MTREX: variants seen among roughly 807,000 people sequenced by gnomAD.
MTREX encodes the protein Mtr4 exosome RNA helicase.
MTREX carries 76 observed loss-of-function variants against 135.4 expected under a neutral mutation model. The observed-to-expected ratio is 0.56, with a 90% CI of 0.47 to 0.68. The LOEUF is 0.68. Ranked by LOEUF, MTREX falls within the 30% of genes least tolerant of loss-of-function variation. The pLI, the probability that MTREX is intolerant of heterozygous loss-of-function variation, is 0.00. For missense variants in MTREX, 920 were observed against 1,262.1 expected (o/e 0.73, Z 4.11); for synonymous variants, 404 against 401.6 (o/e 1.01, Z -0.07).
chr5:55,360,486 G>C (rs956166842), intron 15 of MTREX, among the ~76,000 whole-genome samples: 1 of 151,938 alleles, frequency 6.6e-6, no homozygotes, highest in Non-Finnish European at 1.5e-5. Context: ...GAATTGCAGG[G>C]TCATAGAGTA....
At chr5:55,420,417 C>A (rs943689541) in intron 25 of MTREX, among the ~76,000 whole-genome samples, 3 of 152,122 alleles carry the variant, frequency 2.0e-5, no homozygotes, top group Non-Finnish European at 2.9e-5. Flanking sequence ...TCCCAAGTGT[C>A]CATCGATAGA....
intron 18 of MTREX, among the ~76,000 whole-genome samples, chr5:55,381,078 T>C (rs541776197): frequency 6.2e-4 from 95 of 152,298 alleles, no homozygotes; most frequent in African/African-American, 2.2e-3. Flanking sequence ...TTCGTAGTAT[T>C]ATTTTATAAT....
Position 55,424,820 on chromosome 5 carries a change from AT to A in MTREX, c.*50del. 7.3e-7 allele frequency: 1 copy of A among 1,364,410 alleles called. No homozygotes were observed. The highest frequency in any genetic ancestry group is 1.0e-6 in the Non-Finnish European group (1 of 953,944). 84.5% of individuals were successfully genotyped at this position (1,364,410 alleles called of 1,614,324 possible). ...TTTTAAATTATTGACCACCTGTTTG[AT>A]TACAGTTGACTACAAATGCCTGCAA... On this transcript the variant is annotated 3_prime_UTR_variant, in exon 27 of 27. Coordinates refer to ENST00000230640, the MANE Select transcript of MTREX (RefSeq NM_015360.5).
At chr5:55,327,660 A>T in intron 3 of MTREX, 56 bp from the exon 4 acceptor site, 1 of 1,297,708 alleles carries the variant, frequency 7.7e-7, no homozygotes, top group Non-Finnish European at 1.1e-6. Context: ...AATGCTAAAT[A>T]CATCAGTTCT....
chr5:55,331,492 C>G (rs113140879), intron 5 of MTREX, among the ~76,000 whole-genome samples: 13 of 152,296 alleles, frequency 8.5e-5, no homozygotes, highest in African/African-American at 3.1e-4. Context: ...TCCACTGTAG[C>G]TGGTGGGAAA....
At chr5:55,337,920 G>C (rs2112052004) in intron 5 of MTREX, among the ~76,000 whole-genome samples, 1 of 151,872 alleles carries the variant, frequency 6.6e-6, no homozygotes, top group Middle Eastern at 3.4e-3. Context: ...TTATTTTGGG[G>C]CTTACAGTAT....
chr5:55,320,591 T>C (rs1013689438), intron 1 of MTREX, among the ~76,000 whole-genome samples: 2 of 152,148 alleles, frequency 1.3e-5, no homozygotes, highest in African/African-American at 4.8e-5. Context: ...GTGGAACACA[T>C]CCACGCAGCC....
chr5:55,402,840 G>GTGTGTA (rs753387750), intron 21 of MTREX, among the ~76,000 whole-genome samples: 2 of 66,006 alleles, frequency 3.0e-5, no homozygotes, highest in South Asian at 7.3e-4. Flanking sequence ...GTGTGTGTGT[G>GTGTGTA]TATGTGTATG....
At chr5:55,333,808 A>G (rs1036760771) in intron 5 of MTREX, among the ~76,000 whole-genome samples, 2 of 152,228 alleles carry the variant, frequency 1.3e-5, no homozygotes, top group South Asian at 2.1e-4. Context: ...TGTTTGTTAT[A>G]ATGTTAGAAT....
intron 23 of MTREX, among the ~76,000 whole-genome samples, chr5:55,413,167 C>T (rs765076413): frequency 2.6e-5 from 4 of 151,740 alleles, no homozygotes; most frequent in Non-Finnish European, 4.4e-5. Flanking sequence ...GGTGAAACCC[C>T]GTCTCTACTA....
chr5:55,397,336 T>C, intron 19 of MTREX, 80 bp from the exon 20 acceptor site: 1 of 830,114 alleles, frequency 1.2e-6, no homozygotes, highest in Non-Finnish European at 1.9e-6. Flanking sequence ...ACTTCCTCTT[T>C]AGGGATCCAA....
At chr5:55,388,612 G>A (rs1467292447) in intron 19 of MTREX, among the ~76,000 whole-genome samples, 1 of 152,162 alleles carries the variant, frequency 6.6e-6, no homozygotes, top group African/African-American at 2.4e-5. Flanking sequence ...GCCAGTGTAA[G>A]TGTTCTTAGC....
chr5:55,362,824 C>T (rs762097693), intron 15 of MTREX, among the ~76,000 whole-genome samples: 10 of 152,034 alleles, frequency 6.6e-5, no homozygotes, highest in Admixed American at 6.5e-5. Context: ...TATTTGTTAG[C>T]GGTTAGGTAT....
Position 55,416,024 on chromosome 5 carries a change from G to A in MTREX, c.2863G>A (p.Glu955Lys), listed in dbSNP as rs1451735095. Residue 955 changes from glutamate (E) to lysine (K), a missense_variant, in exon 25 of 27, where the codon GAG becomes AAG. Glu to Lys is a moderately conservative substitution (Grantham distance 56). Around this residue, in one of 6 missense-constraint regions of MTREX, gnomAD observed 467 missense variants for 589.7 expected, o/e 0.79. Transcript: ENST00000230640. Reference sequence around the variant, plus strand: ...AGCAGAAGCCAAATTGGAAATTGATGAGGAAACTTATCTAAGCTCATTTAA... The same window carrying A: ...AGCAGAAGCCAAATTGGAAATTGATAAGGAAACTTATCTAAGCTCATTTAA... ...VSAEAKLEIDEETYLSSFKPH... is the reference protein window; with the variant it reads ...VSAEAKLEIDKETYLSSFKPH... The A allele has an allele frequency of 1.9e-6, 3 of 1,601,046 alleles. No homozygotes were observed. The highest frequency in any genetic ancestry group is 1.4e-5 in the African/African-American group (1 of 73,938).
intron 16 of MTREX, among the ~76,000 whole-genome samples, chr5:55,371,714 C>T (rs1040467306): frequency 1.3e-5 from 2 of 152,040 alleles, no homozygotes; most frequent in Admixed American, 6.6e-5. Context: ...TAATTTGTTA[C>T]ATGTATATTA....
intron 21 of MTREX, among the ~76,000 whole-genome samples, chr5:55,403,602 T>C (rs899818603): frequency 6.6e-6 from 1 of 152,240 alleles, no homozygotes. Flanking sequence ...ATTAGCACGA[T>C]GCTTTGCTCT....
At chr5:55,318,879 C>G (rs1749242197) in intron 1 of MTREX, among the ~76,000 whole-genome samples, 1 of 152,086 alleles carries the variant, frequency 6.6e-6, no homozygotes, top group African/African-American at 2.4e-5. Flanking sequence ...TACTAAATGT[C>G]ATTTCAGGTA....
intron 1 of MTREX, among the ~76,000 whole-genome samples, chr5:55,317,357 C>G (rs1749215468): frequency 6.6e-6 from 1 of 152,140 alleles, no homozygotes; most frequent in Non-Finnish European, 1.5e-5. Context: ...GCTGGAGAGG[C>G]ATCACATTAC....
chr5:55,322,141 CAGTAA>C (rs1749299403), intron 1 of MTREX, among the ~76,000 whole-genome samples, 181 bp from the exon 2 acceptor site: 1 of 152,042 alleles, frequency 6.6e-6, no homozygotes, highest in African/African-American at 2.4e-5. Flanking sequence ...AATACAAATG[CAGTAA>C]AGTATTCAGT....
Sources: gnomAD v4.1 joint callset for allele counts (sites outside exome capture counted in the v4.1 genomes callset) on GRCh38, gnomAD v4.1.1 for gene constraint, gnomAD v4.1.1 regional missense constraint, MANE v1.5 for transcripts, NCBI Gene and HGNC (gene_info 2026-07-23, HGNC 2026-07-21) for gene names.